CSMD1: variants seen among roughly 807,000 people sequenced by gnomAD.
CSMD1 encodes the protein CUB and sushi domain-containing protein 1.
Under a neutral mutation model 417.5 loss-of-function variants are expected in CSMD1, and 213 were observed. The ratio of observed to expected loss-of-function variants is 0.51; its 90% CI spans 0.46 to 0.57. CSMD1 has a LOEUF of 0.57. CSMD1 is among the 20% of genes least tolerant of loss of function. The probability of loss-of-function intolerance (pLI) is 0.00; values close to 1 mark genes in which losing one functional copy is unlikely to be tolerated. For synonymous variants in CSMD1, 2,862 were observed against 1,736.8 expected (o/e 1.65, Z -16.11); for missense variants, 6,923 against 4,529.7 (o/e 1.53, Z -15.17).
At chr8:4,169,219 A>G (rs539268974) in intron 3 of CSMD1, among the ~76,000 whole-genome samples, 9 of 152,144 alleles carry the variant, frequency 5.9e-5, no homozygotes, top group African/African-American at 1.7e-4. Context: ...ATGTCTGAGC[A>G]AAGTCCAGCA....
intron 1 of CSMD1, among the ~76,000 whole-genome samples, chr8:4,756,329 A>G (rs757704866): frequency 5.3e-5 from 8 of 152,292 alleles, no homozygotes; most frequent in African/African-American, 1.7e-4. Context: ...CAGAAACACC[A>G]TAACTCATCA....
At chr8:3,962,566 C>G (rs1422149434) in intron 5 of CSMD1, among the ~76,000 whole-genome samples, 1 of 152,076 alleles carries the variant, frequency 6.6e-6, no homozygotes. Context: ...CATGATTTCA[C>G]ACGAGGAGTA....
chr8:4,585,116 A>C (rs1003872762), intron 2 of CSMD1, among the ~76,000 whole-genome samples: 3 of 152,082 alleles, frequency 2.0e-5, no homozygotes, highest in Non-Finnish European at 4.4e-5. Context: ...AAAAAAGTAC[A>C]ATAGAAAGAG....
intron 3 of CSMD1, among the ~76,000 whole-genome samples, chr8:4,147,445 G>A (rs941561592): frequency 6.6e-6 from 1 of 152,034 alleles, no homozygotes; most frequent in Admixed American, 6.6e-5. Context: ...CTTCTGGAAA[G>A]TCCCACGCCT....
At chr8:4,561,889 G>T (rs1168421715) in intron 2 of CSMD1, among the ~76,000 whole-genome samples, 1 of 152,174 alleles carries the variant, frequency 6.6e-6, no homozygotes, top group African/African-American at 2.4e-5. Context: ...CATATGTCAT[G>T]AAGCCAGAAT....
At chr8:3,999,736 T>A (rs1477622218) in intron 4 of CSMD1, among the ~76,000 whole-genome samples, 2 of 152,146 alleles carry the variant, frequency 1.3e-5, no homozygotes, top group Non-Finnish European at 2.9e-5. Context: ...AGAATGGACG[T>A]CTTTGAGAGG....
intron 1 of CSMD1, among the ~76,000 whole-genome samples, chr8:4,769,875 A>G (rs1796517196): frequency 6.6e-6 from 1 of 152,182 alleles, no homozygotes; most frequent in Non-Finnish European, 1.5e-5. Flanking sequence ...CCCACCACTA[A>G]CATCATTTTT....
At chr8:4,562,111 A>C (rs921563517) in intron 2 of CSMD1, among the ~76,000 whole-genome samples, 1 of 152,210 alleles carries the variant, frequency 6.6e-6, no homozygotes, top group Non-Finnish European at 1.5e-5. Flanking sequence ...TAGAGGAGGG[A>C]AGAGTGTAGG....
intron 12 of CSMD1, among the ~76,000 whole-genome samples, chr8:3,454,345 T>A (rs907456958): frequency 2.0e-5 from 3 of 152,188 alleles, no homozygotes; most frequent in Non-Finnish European, 2.9e-5. Context: ...GTGAATTTGA[T>A]TCAGTTATTA....
At chr8:4,407,017 G>T (rs7837956) in intron 3 of CSMD1, among the ~76,000 whole-genome samples, 3 of 152,034 alleles carry the variant, frequency 2.0e-5, no homozygotes, top group Non-Finnish European at 2.9e-5. Flanking sequence ...CCATAGCTAC[G>T]GGTCCCCTGT....
At chr8:3,957,756 G>A (rs961885716) in intron 5 of CSMD1, among the ~76,000 whole-genome samples, 1 of 151,966 alleles carries the variant, frequency 6.6e-6, no homozygotes, top group Non-Finnish European at 1.5e-5. Context: ...AAAAAGAAAA[G>A]TATGAATATC....
At chr8:4,951,443 GGGAAGGAAGGAAGGAAAGAA>G (rs1371282107) in intron 1 of CSMD1, among the ~76,000 whole-genome samples, 5 of 145,852 alleles carry the variant, frequency 3.4e-5, no homozygotes, top group African/African-American at 5.1e-5. Flanking sequence ...GAAAGAAAGA[GGGAAGGAAGGAAGGAAAGAA>G]GGAAGGAAGG....
At chr8:3,641,024 CTTTTTTTTTTTT>C (rs34851559) in intron 7 of CSMD1, among the ~76,000 whole-genome samples, 8 of 102,718 alleles carry the variant, frequency 7.8e-5, no homozygotes, top group Non-Finnish European at 1.1e-4. Context: ...TCCTTTTTTC[CTTTTTTTTTTTT>C]TTTTTTTTTT....
chr8:4,131,273 A>G (rs1803086177), intron 3 of CSMD1, among the ~76,000 whole-genome samples: 1 of 152,052 alleles, frequency 6.6e-6, no homozygotes, highest in African/African-American at 2.4e-5. Context: ...GAACTGTAGG[A>G]ACTGAAGAGG....
At chr8:4,518,046 T>G (rs1803219777) in intron 2 of CSMD1, among the ~76,000 whole-genome samples, 1 of 152,168 alleles carries the variant, frequency 6.6e-6, no homozygotes, top group African/African-American at 2.4e-5. Context: ...ACTGCACAGC[T>G]CACGGAAAGG....
intron 1 of CSMD1, among the ~76,000 whole-genome samples, chr8:4,867,772 TAA>T (rs1269970174): frequency 1.3e-5 from 2 of 152,120 alleles, no homozygotes; most frequent in Admixed American, 1.3e-4. Flanking sequence ...AGCTTAAAGA[TAA>T]GAGTGTTTTG....
intron 1 of CSMD1, among the ~76,000 whole-genome samples, chr8:4,700,338 T>A (rs1020709324): frequency 2.6e-5 from 4 of 151,946 alleles, no homozygotes; most frequent in African/African-American, 9.7e-5. Context: ...TAATCTATTA[T>A]TTATAATACA....
At chr8:4,762,401 A>G (rs1225560535) in intron 1 of CSMD1, among the ~76,000 whole-genome samples, 1 of 152,136 alleles carries the variant, frequency 6.6e-6, no homozygotes, top group African/African-American at 2.4e-5. Context: ...CGGTATTCTG[A>G]GCTATTACAT....
chr8:3,764,165 C>T (rs1019082856), intron 5 of CSMD1, among the ~76,000 whole-genome samples: 5 of 152,132 alleles, frequency 3.3e-5, no homozygotes, highest in African/African-American at 1.2e-4. Context: ...CTCCAGGGAC[C>T]CCTCCTCCAT....
Sources: gnomAD v4.1 joint callset for allele counts (sites outside exome capture counted in the v4.1 genomes callset) on GRCh38, gnomAD v4.1.1 for gene constraint, MANE v1.5 for transcripts, NCBI Gene and HGNC (gene_info 2026-07-23, HGNC 2026-07-21) for gene names.